Variants in ATP11A observed in about 807,000 individuals in gnomAD.
ATP11A encodes phospholipid-transporting ATPase IH.
ATP11A carries 81 observed loss-of-function variants against 154.4 expected under a neutral mutation model. The observed-to-expected ratio is 0.52, with a 90% CI of 0.44 to 0.63. The LOEUF is 0.63. Among genes scored for constraint, ATP11A ranks in the 30% least tolerant of loss-of-function variants. The pLI is 0.00. For missense variants in ATP11A, 1,316 were observed against 1,474.3 expected (o/e 0.89, Z 1.76); for synonymous variants, 623 against 585.9 (o/e 1.06, Z -0.91).
intron 1 of ATP11A, among the ~76,000 whole-genome samples, chr13:112,721,498 G>A (rs1481038117): frequency 6.6e-6 from 1 of 152,246 alleles, no homozygotes; most frequent in East Asian, 1.9e-4. Context: ...GCAGCACACT[G>A]CAGCGGTCAC....
intron 1 of ATP11A, among the ~76,000 whole-genome samples, chr13:112,783,239 C>T (rs1304337454): frequency 6.6e-6 from 1 of 152,198 alleles, no homozygotes; most frequent in Non-Finnish European, 1.5e-5. Flanking sequence ...GGTTTATAAA[C>T]AAGAGCACCA....
intron 2 of ATP11A, among the ~76,000 whole-genome samples, chr13:112,798,480 T>C (rs2078055274): frequency 6.6e-6 from 1 of 152,138 alleles, no homozygotes; most frequent in Non-Finnish European, 1.5e-5. Flanking sequence ...AGAATGATAA[T>C]AGCATTTACT....
chr13:112,856,977 C>G (rs1011443866), intron 20 of ATP11A, among the ~76,000 whole-genome samples: 2 of 152,198 alleles, frequency 1.3e-5, no homozygotes, highest in Non-Finnish European at 2.9e-5. Context: ...GTGAGGAAGA[C>G]GGTTTGATGT....
chr13:112,713,187 G>A (rs994409921), intron 1 of ATP11A, among the ~76,000 whole-genome samples: 1 of 152,300 alleles, frequency 6.6e-6, no homozygotes, highest in African/African-American at 2.4e-5. Flanking sequence ...ACAAGGTCAG[G>A]AGTTTGAGAC....
rs369922895 is a variant in ATP11A, at chr13:112,807,004, A to G, written c.333+711A>G. ...ATGAATGAGTCACGGTCCCCTGCAC[A>G]TACCTGGCATTTTGTGTATCACGCG... On this transcript the variant is annotated intron_variant, in intron 4 of 29. Coordinates refer to ENST00000375645, the MANE Select transcript of ATP11A (RefSeq NM_015205.3). This position sits in a 1 kb window ranked among gnomAD's most constrained non-coding sequence, Gnocchi z 4.5. Among the ~76,000 whole-genome samples, 1 of 152,228 alleles carries G rather than the reference A, an allele frequency of 6.6e-6. No individual in the cohort carries two copies. Among genetic ancestry groups the G allele is most frequent in the African/African-American group, 2.4e-5 (1 of 41,460 alleles).
At chr13:112,725,684 G>A (rs187744474) in intron 1 of ATP11A, among the ~76,000 whole-genome samples, 1 of 152,372 alleles carries the variant, frequency 6.6e-6, no homozygotes, top group African/African-American at 2.4e-5. Flanking sequence ...CAGTGAGTGT[G>A]TGGCTACAGC....
At chr13:112,760,822 G>A (rs901340914) in intron 1 of ATP11A, among the ~76,000 whole-genome samples, 6 of 152,176 alleles carry the variant, frequency 3.9e-5, no homozygotes, top group African/African-American at 1.4e-4. Flanking sequence ...AAGAATCAAA[G>A]GAAATTGTAA....
chr13:112,875,648 G>T lies in ATP11A; in HGVS notation c.3162-128G>T, dbSNP rs766963624. 12 of 1,021,702 alleles carry T rather than the reference G, an allele frequency of 1.2e-5. No homozygotes were observed. The highest frequency in any genetic ancestry group is 1.6e-5 in the Non-Finnish European group (11 of 708,236). 63.3% of individuals were successfully genotyped at this position (1,021,702 alleles called of 1,614,324 possible). ...ATATGATAAATTCAGAGCAGGCTCC[G>T]TGGCTTGCCAAGCAACTCTCACTGA... On this transcript the variant is annotated intron_variant, in intron 27 of 29. Transcript: ENST00000375645. The surrounding 1 kb of genome is among the most constrained non-coding windows in gnomAD (Gnocchi z 4.1).
At chr13:112,874,676 C>T (rs2080660210) in intron 27 of ATP11A, among the ~76,000 whole-genome samples, 2 of 152,176 alleles carry the variant, frequency 1.3e-5, no homozygotes, top group Non-Finnish European at 1.5e-5. Flanking sequence ...CGGATTCTCT[C>T]GTTCAGCCAG....
chr13:112,806,859 A>G (rs1017349228), intron 4 of ATP11A, among the ~76,000 whole-genome samples: 9 of 152,054 alleles, frequency 5.9e-5, no homozygotes, highest in African/African-American at 2.2e-4. Flanking sequence ...AGAGTCGCCT[A>G]TTCTAAACAT....
intron 2 of ATP11A, among the ~76,000 whole-genome samples, chr13:112,787,467 G>A (rs1181085646): frequency 8.4e-6 from 1 of 118,692 alleles, no homozygotes; most frequent in Non-Finnish European, 1.6e-5. Context: ...GTAGACCCCT[G>A]TGGATACCTA....
At chr13:112,790,661 C>T (rs1027132689) in intron 2 of ATP11A, among the ~76,000 whole-genome samples, 32 of 151,578 alleles carry the variant, frequency 2.1e-4, no homozygotes, top group South Asian at 2.1e-4. Context: ...GTGTAGACCC[C>T]TGCGATAGAC....
Position 112,842,299 on chromosome 13 carries a change from G to A in ATP11A, c.1729G>A (p.Gly577Arg). The A allele has an allele frequency of 6.2e-7, 1 of 1,611,424 alleles. No individual in the cohort carries two copies. The highest frequency in any genetic ancestry group is 8.5e-7 in the Non-Finnish European group (1 of 1,178,718). The change falls in exon 17 of 30, where the codon GGA becomes AGA. Residue 577 changes from glycine (G) to arginine (R), a missense_variant. Physicochemically the swap from Gly to Arg is moderately radical, Grantham distance 125 (BLOSUM62 -2). This residue lies in a region of ATP11A where 876 missense variants were observed against 1,006.8 expected (regional missense o/e 0.87). Transcript: ENST00000375645. ...ATGEIYLFCKGADSSIFPRVI... is the reference protein window; with the variant it reads ...ATGEIYLFCKRADSSIFPRVI... ...AGGAGAAATTTATCTGTTTTGCAAAGGAGCAGATTCTTCGATATTCCCCCG... is the reference window on the plus strand; with the variant it reads ...AGGAGAAATTTATCTGTTTTGCAAAAGAGCAGATTCTTCGATATTCCCCCG...
intron 1 of ATP11A, among the ~76,000 whole-genome samples, chr13:112,712,808 C>CG (rs1887919578): frequency 6.6e-6 from 1 of 152,240 alleles, no homozygotes; most frequent in South Asian, 2.1e-4. Flanking sequence ...TTGTCATCCC[C>CG]TGTCTTTTGG....
intron 19 of ATP11A, 21 bp from the exon 20 acceptor site, chr13:112,855,890 C>G: frequency 6.3e-7 from 1 of 1,578,340 alleles, no homozygotes; most frequent in Non-Finnish European, 8.6e-7. Flanking sequence ...AGCAATCTTT[C>G]TGACTCACGT....
intron 1 of ATP11A, among the ~76,000 whole-genome samples, chr13:112,710,379 G>A (rs559367282): frequency 7.9e-5 from 12 of 152,332 alleles, no homozygotes; most frequent in African/African-American, 2.9e-4. Context: ...AGTGTTTCCC[G>A]ACAGGATGTG....
At chr13:112,758,450 G>A (rs2076892572) in intron 1 of ATP11A, among the ~76,000 whole-genome samples, 1 of 146,940 alleles carries the variant, frequency 6.8e-6, no homozygotes, top group Admixed American at 6.8e-5. Flanking sequence ...TTGAGACAGA[G>A]TCTCTCTCTG....
At chr13:112,756,557 C>T (rs975588444) in intron 1 of ATP11A, among the ~76,000 whole-genome samples, 12 of 152,156 alleles carry the variant, frequency 7.9e-5, no homozygotes, top group African/African-American at 2.7e-4. Flanking sequence ...TAGCGGATGG[C>T]GGGGCAGGTG....
chr13:112,778,017 G>A lies in ATP11A; in HGVS notation c.40-7118G>A, dbSNP rs993682987. On this transcript the variant is annotated intron_variant, in intron 1 of 29. Transcript: ENST00000375645. Reference sequence around the variant, plus strand: ...CGCCTCTGTCTGGAAGGCATGCTGCGTCCATTTTACTGTTTCCCCAACCCT... The same window carrying A: ...CGCCTCTGTCTGGAAGGCATGCTGCATCCATTTTACTGTTTCCCCAACCCT... Among the ~76,000 whole-genome samples the A allele has an allele frequency of 9.2e-5, 14 of 152,236 alleles. No homozygotes were observed. The East Asian group carries it at 1.7e-3, about 19-fold the overall frequency.
Sources: gnomAD v4.1 joint callset for allele counts (sites outside exome capture counted in the v4.1 genomes callset) on GRCh38, gnomAD v4.1.1 for gene constraint, gnomAD v4.1.1 regional missense constraint, Gnocchi (gnomAD v3.1) non-coding constraint, MANE v1.5 for transcripts, NCBI Gene and HGNC (gene_info 2026-07-23, HGNC 2026-07-21) for gene names.